Variants in FAAH observed in about 807,000 individuals in gnomAD.
FAAH encodes fatty acid amide hydrolase.
In FAAH, 63 loss-of-function variants were observed where a neutral mutation model predicts 69.7. That is an observed-to-expected ratio of 0.90 (90% CI 0.74 to 1.12). The LOEUF (loss-of-function observed/expected upper bound fraction) is 1.12. FAAH is among the 50% of genes most tolerant of loss of function. FAAH has a pLI of 0.00. For missense variants in FAAH, 680 were observed against 755.0 expected, an observed-to-expected ratio of 0.90 and a Z score of 1.16; for synonymous variants, 305 against 324.2, an observed-to-expected ratio of 0.94 and a Z score of 0.64.
intron 1 of FAAH, among the ~76,000 whole-genome samples, chr1:46,399,514 C>T (rs1049136205): frequency 5.3e-5 from 8 of 152,134 alleles, no homozygotes; most frequent in Admixed American, 2.0e-4. Flanking sequence ...GTGTGCTGAG[C>T]GTGGAGGGGA....
At position 46,404,940 on chromosome 1, in the gene FAAH, A is replaced by C. The variant is rs1664762686; in HGVS notation, c.310-74A>C. The C allele has an allele frequency of 1.9e-6, 3 of 1,603,968 alleles. No homozygotes were observed. The highest frequency in any genetic ancestry group is 2.6e-6 in the Non-Finnish European group (3 of 1,172,892). ...GTATACTTTAAAAGGCCAGTTCTAC[A>C]TGATGTATATTTCACCACAATTTCT... is the stretch of plus-strand genomic sequence containing the variant. On this transcript the variant is annotated intron_variant, in intron 2 of 14. Coordinates refer to ENST00000243167, the MANE Select transcript of FAAH (RefSeq NM_001441.3). This position sits in a 1 kb window ranked among gnomAD's most constrained non-coding sequence, Gnocchi z 4.5.
At chr1:46,407,868 A>C (rs1239937192) in intron 7 of FAAH, among the ~76,000 whole-genome samples, 1 of 152,158 alleles carries the variant, frequency 6.6e-6, no homozygotes, top group South Asian at 2.1e-4. Context: ...CCCTCGCCCC[A>C]GCCAAGGTTG....
At chr1:46,400,751 G>A (rs1034373421) in intron 1 of FAAH, among the ~76,000 whole-genome samples, 1 of 133,616 alleles carries the variant, frequency 7.5e-6, no homozygotes, top group African/African-American at 2.9e-5. Flanking sequence ...GGGATCTGGG[G>A]GATGTGGGAT....
Position 46,408,567 on chromosome 1 carries a change from G to C in FAAH, c.1060G>C (p.Glu354Gln), listed in dbSNP as rs752886355. ...CGTGCTGGAGACCAAACAGAGCCTTGAGGCTGCGGGGCACACGGTATGACT... is the reference window on the plus strand; with the variant it reads ...CGTGCTGGAGACCAAACAGAGCCTTCAGGCTGCGGGGCACACGGTATGACT... ...RAVLETKQSL[E>Q]AAGHTLVPFL... Residue 354 changes from glutamate to glutamine, a missense_variant, in exon 8 of 15, where the codon GAG (glutamate) becomes CAG (glutamine). Transcript: ENST00000243167. 6.2e-7 allele frequency: 1 copy of C among 1,614,176 alleles called. No homozygotes were observed. The highest frequency in any genetic ancestry group is 1.1e-5 in the South Asian group (1 of 91,090).
At position 46,404,938 on chromosome 1, in the gene FAAH, A is replaced by G; in HGVS notation, c.310-76A>G. 6.2e-7 allele frequency: 1 copy of G among 1,602,084 alleles called. No homozygotes were observed. The highest frequency in any genetic ancestry group is 8.5e-7 in the Non-Finnish European group (1 of 1,171,414). ...GGGTATACTTTAAAAGGCCAGTTCT[A>G]CATGATGTATATTTCACCACAATTT... On this transcript the variant is annotated intron_variant, in intron 2 of 14. Transcript: ENST00000243167. The surrounding 1 kb of genome is among the most constrained non-coding windows in gnomAD (Gnocchi z 4.5).
chr1:46,412,167 C>A lies in FAAH; in HGVS notation c.1381C>A (p.Gln461Lys). The change falls in exon 13 of 15, where the codon CAG (glutamine) becomes AAG (lysine). Residue 461 changes from glutamine (Q) to lysine (K), a missense_variant. Transcript: ENST00000243167. The part of the protein sequence containing the change: ...IEVYRKTVIA[Q>K]WRALDLDVVL... ...GGTGTACCGCAAAACCGTGATTGCC[C>A]AGTGGAGGGCGCTGGACCTGGATGT... 1 of 1,562,660 alleles carries A rather than the reference C, an allele frequency of 6.4e-7. No individual in the cohort carries two copies. Among genetic ancestry groups the A allele is most frequent in the East Asian group, 2.4e-5 (1 of 41,682 alleles).
chr1:46,411,688 G>C lies in FAAH; in HGVS notation c.1356+37G>C, dbSNP rs1664917257. 1 of 1,612,296 alleles carries C rather than the reference G, an allele frequency of 6.2e-7. No homozygotes were observed. Among genetic ancestry groups the C allele is most frequent in the Non-Finnish European group, 8.5e-7 (1 of 1,178,824 alleles). On this transcript the variant is annotated intron_variant, in intron 12 of 14. Coordinates refer to ENST00000243167, the MANE Select transcript of FAAH (RefSeq NM_001441.3). This position sits in a 1 kb window ranked among gnomAD's most constrained non-coding sequence, Gnocchi z 4.8. ...GCCTCTGGATTGGAGCAGGGTGGTG[G>C]GGGGAGGGTGGAGTTGGACAGGGTA... is the stretch of plus-strand genomic sequence containing the variant.
At chr1:46,409,289 C>A in intron 9 of FAAH, 91 bp downstream of exon 9, 1 of 1,011,732 alleles carries the variant, frequency 9.9e-7, no homozygotes, top group Non-Finnish European at 1.6e-6. Context: ...CTGGATGGGC[C>A]TTAGCTGAAT....
chr1:46,409,324 G>A, intron 9 of FAAH, 126 bp downstream of exon 9: 3 of 774,850 alleles, frequency 3.9e-6, no homozygotes, highest in Non-Finnish European at 6.8e-6. Context: ...AGCACTCTGG[G>A]CAGGGACCTC....
chr1:46,403,668 C>G (rs962691223), intron 2 of FAAH, among the ~76,000 whole-genome samples: 1 of 152,230 alleles, frequency 6.6e-6, no homozygotes, highest in Non-Finnish European at 1.5e-5. Flanking sequence ...TGCCCCTGTC[C>G]GTGCCACGGG....
chr1:46,409,660 A>G (rs1664870499), intron 9 of FAAH, among the ~76,000 whole-genome samples: 1 of 152,126 alleles, frequency 6.6e-6, no homozygotes, highest in Non-Finnish European at 1.5e-5. Flanking sequence ...TGCAGAGCTC[A>G]TTTTTAGAGA....
rs200553531 is a variant in FAAH, at chr1:46,405,682, A to C, written c.673A>C (p.Ile225Leu). The change falls in exon 5 of 15, where the codon ATC becomes CTC. Residue 225 changes from isoleucine (I) to leucine (L), a missense_variant. Coordinates refer to ENST00000243167, the MANE Select transcript of FAAH (RefSeq NM_001441.3). This position sits in a 1 kb window ranked among gnomAD's most constrained non-coding sequence, Gnocchi z 4.1. ...CTCCTCAGGGGGTGAAGGGGCCCTC[A>C]TCGGGTCTGGAGGCTCCCCCCTGGG... The part of the protein sequence containing the change: ...GGSSGGEGAL[I>L]GSGGSPLGLG... 1 of 1,613,532 alleles carries C rather than the reference A, an allele frequency of 6.2e-7. No individual in the cohort carries two copies. The highest frequency in any genetic ancestry group is 1.1e-5 in the South Asian group (1 of 91,092).
Position 46,413,738 on chromosome 1 carries a change from G to A in FAAH, c.*163G>A. 1 of 968,600 alleles carries A rather than the reference G, an allele frequency of 1.0e-6. No homozygotes were observed. Among genetic ancestry groups the A allele is most frequent in the Non-Finnish European group, 1.6e-6 (1 of 638,568 alleles). The allele number at this position is 968,600 out of a possible 1,614,324, so 60.0% of individuals were successfully genotyped here. A position where few individuals can be genotyped will look rare whatever the true frequency, so the allele number is the denominator to read the frequency against. On this transcript the variant is annotated 3_prime_UTR_variant, in exon 15 of 15. Transcript: ENST00000243167. ...AAGAAGCGCCGACTCCCTGAGTCTG[G>A]ACCTCCATCCCTGCTCTGGTCCCCT...
At position 46,402,826 on chromosome 1, in the gene FAAH, G is replaced by A. The variant is rs866393920; in HGVS notation, c.309+622G>A. Among the ~76,000 whole-genome samples, 4 of 151,770 alleles carry A rather than the reference G, an allele frequency of 2.6e-5. No homozygotes were observed. The South Asian group carries it at 8.3e-4, about 32-fold the overall frequency. On this transcript the variant is annotated intron_variant, in intron 2 of 14. Coordinates refer to ENST00000243167, the MANE Select transcript of FAAH (RefSeq NM_001441.3). Reference sequence around the variant, plus strand: ...TTCTGCCTCAGCCTCCTGAGTAGCTGGGAGTACAGGCACCTGCTAACACAC... The same window carrying A: ...TTCTGCCTCAGCCTCCTGAGTAGCTAGGAGTACAGGCACCTGCTAACACAC...
At position 46,412,162 on chromosome 1, in the gene FAAH, T is replaced by G. The variant is rs1393710124; in HGVS notation, c.1376T>G (p.Ile459Ser). The G allele has an allele frequency of 6.4e-7, 1 of 1,561,820 alleles. No individual in the cohort carries two copies. The highest frequency in any genetic ancestry group is 1.9e-5 in the Admixed American group (1 of 52,610). ...CCGCAGGTGTACCGCAAAACCGTGA[T>G]TGCCCAGTGGAGGGCGCTGGACCTG... Reference protein sequence around the residue: ...HEIEVYRKTVIAQWRALDLDV... With the variant: ...HEIEVYRKTVSAQWRALDLDV... The change falls in exon 13 of 15, where the codon ATT (isoleucine) becomes AGT (serine). Residue 459 changes from isoleucine (I) to serine (S), a missense_variant. Coordinates refer to ENST00000243167, the MANE Select transcript of FAAH (RefSeq NM_001441.3).
In FAAH at chr1:46,402,184, C is replaced by T. The variant is rs1195322147; in HGVS notation, c.289C>T (p.Leu97Phe). ...HSRELAPEAV[L>F]FTYVGKAWEV... ...TAGAGAGCTGGCCCCTGAGGCCGTG[C>T]TCTTCACCTATGTGGGAAAGGTAAG... is the stretch of plus-strand genomic sequence containing the variant. Residue 97 changes from leucine to phenylalanine, a missense_variant, in exon 2 of 15, where the codon CTC (leucine) becomes TTC (phenylalanine). Leu to Phe is a conservative substitution (Grantham distance 22). Coordinates refer to ENST00000243167, the MANE Select transcript of FAAH (RefSeq NM_001441.3). 2 of 1,604,448 alleles carry T rather than the reference C, an allele frequency of 1.2e-6. No homozygotes were observed. Among genetic ancestry groups the T allele is most frequent in the South Asian group, 2.2e-5 (2 of 89,348 alleles).
Position 46,413,615 on chromosome 1 carries a change from C to T in FAAH, c.*40C>T. ...GAGGACCTGAGACTCACACTCTCTGCAGCCCAGCCTAGTCAGGGCACAGCT... is the reference window on the plus strand; with the variant it reads ...GAGGACCTGAGACTCACACTCTCTGTAGCCCAGCCTAGTCAGGGCACAGCT... On this transcript the variant is annotated 3_prime_UTR_variant, in exon 15 of 15. Transcript: ENST00000243167. The T allele has an allele frequency of 1.2e-6, 2 of 1,613,500 alleles. No homozygotes were observed. The highest frequency in any genetic ancestry group is 1.7e-6 in the Non-Finnish European group (2 of 1,179,670).
rs1469275222 is a variant in FAAH, at chr1:46,405,098, G to A, written c.394G>A (p.Gly132Ser). The A allele has an allele frequency of 6.2e-7, 1 of 1,613,902 alleles. No individual in the cohort carries two copies. Among genetic ancestry groups the A allele is most frequent in the Non-Finnish European group, 8.5e-7 (1 of 1,180,004 alleles). The change falls in exon 3 of 15, where the codon GGC (glycine) becomes AGC (serine). Residue 132 changes from glycine (G) to serine (S), a missense_variant. Transcript: ENST00000243167. This position sits in a 1 kb window ranked among gnomAD's most constrained non-coding sequence, Gnocchi z 4.1. ...ETQLSQAPRQ[G>S]LLYGVPVSLK... ...TCAGCTGTCTCAGGCCCCAAGGCAG[G>A]GCCTGCTCTATGGCGTCCCTGTGAG...
intron 9 of FAAH, among the ~76,000 whole-genome samples, chr1:46,409,619 T>C (rs1351868414): frequency 6.6e-6 from 1 of 152,038 alleles, no homozygotes; most frequent in African/African-American, 2.4e-5. Flanking sequence ...GTAAAGTGGG[T>C]GGGTTGGACC....
Sources: gnomAD v4.1 joint callset for allele counts (sites outside exome capture counted in the v4.1 genomes callset) on GRCh38, gnomAD v4.1.1 for gene constraint, Gnocchi (gnomAD v3.1) non-coding constraint, MANE v1.5 for transcripts, NCBI Gene and HGNC (gene_info 2026-07-23, HGNC 2026-07-21) for gene names.